The following KCNAB1 variants were observed in gnomAD, a reference collection of about 807,000 sequenced individuals.
KCNAB1 encodes the protein potassium voltage-gated channel subfamily A regulatory beta subunit 1, also known as voltage-gated potassium channel subunit beta-1.
KCNAB1 carries 35 observed loss-of-function variants against 64.6 expected under a neutral mutation model. The ratio of observed to expected loss-of-function variants is 0.54; its 90% CI spans 0.41 to 0.72. The LOEUF is 0.72. Ranked by LOEUF, KCNAB1 falls within the 30% of genes least tolerant of loss-of-function variation. KCNAB1 has a pLI of 0.00. For missense variants in KCNAB1, 401 were observed against 512.9 expected, an observed-to-expected ratio of 0.78 and a Z score of 2.11; for synonymous variants, 177 against 183.8, an observed-to-expected ratio of 0.96 and a Z score of 0.30.
intron 1 of KCNAB1, among the ~76,000 whole-genome samples, chr3:156,319,069 A>G (rs1047507579): frequency 1.3e-5 from 2 of 152,240 alleles, no homozygotes; most frequent in African/African-American, 2.4e-5. Context: ...ATATTCCTTT[A>G]TAAGATTTCA....
intron 8 of KCNAB1, among the ~76,000 whole-genome samples, chr3:156,480,442 C>A (rs1423449193): frequency 6.6e-6 from 1 of 151,638 alleles, no homozygotes; most frequent in East Asian, 1.9e-4. Context: ...GGGTATAAAG[C>A]CTAGATGACG....
intron 1 of KCNAB1, among the ~76,000 whole-genome samples, chr3:156,209,338 GGT>G (rs1474642839): frequency 5.9e-5 from 9 of 152,212 alleles, no homozygotes; most frequent in African/African-American, 1.9e-4. Context: ...TATGTTAACT[GGT>G]ATTTTGTTTG....
At chr3:156,168,411 T>C (rs6441039) in intron 1 of KCNAB1, among the ~76,000 whole-genome samples, 90,858 of 151,942 alleles carry the variant, frequency 0.6, 27,936 homozygotes, top group East Asian at 0.93. Flanking sequence ...TTTAAAAAAT[T>C]TAAAAGGCTG....
intron 1 of KCNAB1, among the ~76,000 whole-genome samples, chr3:156,127,625 C>T (rs916816417): frequency 3.9e-5 from 6 of 152,118 alleles, no homozygotes; most frequent in Admixed American, 3.9e-4. Context: ...GTAGCAGCCT[C>T]TGGGGAGGGT....
At chr3:156,152,484 GA>G (rs1170695740) in intron 1 of KCNAB1, among the ~76,000 whole-genome samples, 1 of 152,194 alleles carries the variant, frequency 6.6e-6, no homozygotes, top group Non-Finnish European at 1.5e-5. Flanking sequence ...CCCACTGTGG[GA>G]GGGGTGGGAG....
intron 1 of KCNAB1, among the ~76,000 whole-genome samples, chr3:156,167,752 G>A (rs1218860589): frequency 2.0e-5 from 3 of 152,212 alleles, no homozygotes; most frequent in South Asian, 2.1e-4. Flanking sequence ...GTGATATGGT[G>A]TGGGATATTC....
rs755960026 is a variant in KCNAB1, at chr3:156,538,398, T to C, written c.*1651T>C. ...GATATCAAGAAATTTTCTTTTTGAT[T>C]ACTAGTACCTGTATTCTAACAGAGA... On this transcript the variant is annotated 3_prime_UTR_variant, in exon 14 of 14. Transcript: ENST00000490337. The C allele has an allele frequency of 5.9e-5, 9 of 152,240 alleles. No homozygotes were observed. Among genetic ancestry groups the C allele is most frequent in the Non-Finnish European group, 1.2e-4 (8 of 68,034 alleles). The allele number at this position is 152,240 out of a possible 1,614,324, so 9.4% of individuals were successfully genotyped here.
chr3:156,228,378 T>A (rs1716312521), intron 1 of KCNAB1, among the ~76,000 whole-genome samples: 1 of 152,158 alleles, frequency 6.6e-6, no homozygotes. Context: ...CAGTTGATGG[T>A]TTTGCCTCCA....
intron 1 of KCNAB1, among the ~76,000 whole-genome samples, chr3:156,210,654 G>A (rs148998879): frequency 6.8e-4 from 103 of 152,304 alleles, no homozygotes; most frequent in African/African-American, 2.3e-3. Context: ...TCCAGAGATG[G>A]TCCTAAAATT....
intron 1 of KCNAB1, among the ~76,000 whole-genome samples, chr3:156,144,995 G>T (rs1714956296): frequency 6.6e-6 from 1 of 152,200 alleles, no homozygotes; most frequent in Non-Finnish European, 1.5e-5. Context: ...AAAGGTGGGA[G>T]CTTGGAGCCC....
At chr3:156,291,700 CG>C in intron 1 of KCNAB1, 1 of 1,421,564 alleles carries the variant, frequency 7.0e-7, no homozygotes, top group South Asian at 1.5e-5. Context: ...TCTGGGTCCC[CG>C]GGGACTCTTT....
intron 7 of KCNAB1, among the ~76,000 whole-genome samples, chr3:156,469,732 T>C (rs1221670739): frequency 6.6e-6 from 1 of 152,138 alleles, no homozygotes. Flanking sequence ...GGTGGTGGTG[T>C]TATTTTACAG....
chr3:156,269,413 G>A (rs575505232), intron 1 of KCNAB1, among the ~76,000 whole-genome samples: 17 of 152,232 alleles, frequency 1.1e-4, no homozygotes, highest in African/African-American at 3.4e-4. Flanking sequence ...TAACATATGC[G>A]TATTGTCTAT....
chr3:156,516,295 A>C lies in KCNAB1; in HGVS notation c.891A>C (p.Pro297=), dbSNP rs749474415. Residue 297 remains proline (P), a synonymous_variant, in exon 11 of 14, where the codon CCA becomes CCC. Transcript: ENST00000490337. ...KIGVGAMTWS[P]LACGIISGKY... ...GTGTTGGCGCAATGACATGGTCTCCACTTGCCTGTGGAATCATCTCAGGAA... is the reference window on the plus strand; with the variant it reads ...GTGTTGGCGCAATGACATGGTCTCCCCTTGCCTGTGGAATCATCTCAGGAA... The C allele has an allele frequency of 8.1e-6, 13 of 1,613,920 alleles. No individual in the cohort carries two copies. Among genetic ancestry groups the C allele is most frequent in the African/African-American group, 2.7e-5 (2 of 74,916 alleles).
intron 1 of KCNAB1, among the ~76,000 whole-genome samples, chr3:156,183,359 G>A (rs1712992019): frequency 2.6e-5 from 4 of 152,164 alleles, no homozygotes. Context: ...TGAGGCCACG[G>A]GATTCGGTAC....
chr3:156,369,124 A>C (rs1375443197), intron 1 of KCNAB1, among the ~76,000 whole-genome samples: 2 of 152,052 alleles, frequency 1.3e-5, no homozygotes, highest in African/African-American at 2.4e-5. Context: ...TCACCTCTCC[A>C]TAGGTAACCA....
At chr3:156,312,391 A>G (rs1037438094) in intron 1 of KCNAB1, among the ~76,000 whole-genome samples, 1 of 152,192 alleles carries the variant, frequency 6.6e-6, no homozygotes, top group Admixed American at 6.5e-5. Flanking sequence ...ATGTGCTAAA[A>G]CCAACAAAAT....
intron 1 of KCNAB1, among the ~76,000 whole-genome samples, chr3:156,268,243 C>T (rs1163142208): frequency 2.6e-5 from 4 of 152,150 alleles, no homozygotes; most frequent in Non-Finnish European, 4.4e-5. Flanking sequence ...ATTGTGTATG[C>T]GTGCCACATT....
At chr3:156,367,442 A>G (rs1726021169) in intron 1 of KCNAB1, among the ~76,000 whole-genome samples, 1 of 151,946 alleles carries the variant, frequency 6.6e-6, no homozygotes, top group African/African-American at 2.4e-5. Context: ...CGGCCTCCCA[A>G]AGTGCTGGGA....
Sources: allele counts gnomAD v4.1 joint callset (sites outside exome capture counted in the v4.1 genomes callset), GRCh38; gene constraint gnomAD v4.1.1; transcripts MANE v1.5; gene names NCBI Gene and HGNC (gene_info 2026-07-23, HGNC 2026-07-21).